Variants in SLCO3A1 observed in about 807,000 individuals in gnomAD.
SLCO3A1 encodes the protein PGE1 transporter.
In SLCO3A1, 27 loss-of-function variants were observed where a neutral mutation model predicts 63.1. That is an observed-to-expected ratio of 0.43 (90% CI 0.32 to 0.59). The LOEUF is 0.59. Among genes scored for constraint, SLCO3A1 ranks in the 20% least tolerant of loss-of-function variants. SLCO3A1 has a pLI of 0.09. For missense variants in SLCO3A1, 773 were observed against 945.8 expected (o/e 0.82, Z 2.40); for synonymous variants, 473 against 409.9 (o/e 1.15, Z -1.86).
Position 92,090,654 on chromosome 15 carries a change from G to A in SLCO3A1, c.647-4227G>A, listed in dbSNP as rs552066097. 3.3e-5 allele frequency among the ~76,000 whole-genome samples: 5 copies of A among 152,260 alleles called. No individual in the cohort carries two copies. In the East Asian group the frequency reaches 9.7e-4, roughly 29 times the overall value. Reference sequence around the variant, plus strand: ...CAGCAAGAACTCCTTCCTGGGCCTGGCCTGCTCCCAGCTCCAGCCCCTCTC... The same window carrying A: ...CAGCAAGAACTCCTTCCTGGGCCTGACCTGCTCCCAGCTCCAGCCCCTCTC... On this transcript the variant is annotated intron_variant, in intron 2 of 9. Coordinates refer to ENST00000318445, the MANE Select transcript of SLCO3A1 (RefSeq NM_013272.4).
chr15:91,945,550 A>G (rs1899777923), intron 2 of SLCO3A1, among the ~76,000 whole-genome samples: 1 of 152,232 alleles, frequency 6.6e-6, no homozygotes, highest in African/African-American at 2.4e-5. Context: ...AGGACAGCAT[A>G]TGCAAAGGTC....
At chr15:91,953,777 C>A (rs1176231516) in intron 2 of SLCO3A1, among the ~76,000 whole-genome samples, 1 of 152,132 alleles carries the variant, frequency 6.6e-6, no homozygotes, top group Non-Finnish European at 1.5e-5. Flanking sequence ...GGTGGGAACA[C>A]TTCCCACACT....
rs138667184 is a variant in SLCO3A1 at position 91,923,730 on chromosome 15, T to G, written c.646+7272T>G. Among the ~76,000 whole-genome samples, 34 of 152,354 alleles carry G rather than the reference T, an allele frequency of 2.2e-4. No individual in the cohort carries two copies. In the East Asian group the frequency reaches 4.0e-3, roughly 18 times the overall value. On this transcript the variant is annotated intron_variant, in intron 2 of 9. Transcript: ENST00000318445. ...ACCTATAGAAAATTATTGTCAGTAGTTAGGTATATTTTATTCCAGCCTTTT... is the reference window on the plus strand; with the variant it reads ...ACCTATAGAAAATTATTGTCAGTAGGTAGGTATATTTTATTCCAGCCTTTT...
At chr15:92,109,869 T>C (rs1414539553) in intron 4 of SLCO3A1, among the ~76,000 whole-genome samples, 1 of 152,024 alleles carries the variant, frequency 6.6e-6, no homozygotes, top group African/African-American at 2.4e-5. Flanking sequence ...TGGCAGGCGG[T>C]TGGGGAGACA....
At chr15:92,096,199 T>C (rs2047536675) in intron 3 of SLCO3A1, among the ~76,000 whole-genome samples, 1 of 152,046 alleles carries the variant, frequency 6.6e-6, no homozygotes, top group Non-Finnish European at 1.5e-5. Flanking sequence ...CTCACTGCCA[T>C]GGGCCCACAG....
At chr15:91,892,784 A>G (rs1440276193) in intron 1 of SLCO3A1, among the ~76,000 whole-genome samples, 2 of 152,060 alleles carry the variant, frequency 1.3e-5, no homozygotes, top group African/African-American at 2.4e-5. Flanking sequence ...CTGCGTGACT[A>G]CTCCCCAGTA....
intron 4 of SLCO3A1, among the ~76,000 whole-genome samples, chr15:92,114,325 A>C (rs1053102849): frequency 6.6e-6 from 1 of 152,184 alleles, no homozygotes; most frequent in Non-Finnish European, 1.5e-5. Context: ...CATTCATTTT[A>C]AAATTTATTT....
chr15:92,159,358 A>AC (rs899404084), intron 9 of SLCO3A1, among the ~76,000 whole-genome samples: 5 of 151,942 alleles, frequency 3.3e-5, no homozygotes, highest in African/African-American at 1.2e-4. Context: ...GGTGGCAGGC[A>AC]CCTGTAGTCC....
chr15:92,162,137 T>A (rs1037235036), intron 9 of SLCO3A1: 2 of 132,694 alleles, frequency 1.5e-5, no homozygotes, highest in African/African-American at 6.7e-5. Context: ...TAGATGCTTT[T>A]TTTTTTTTTT....
At chr15:92,170,002 G>C (rs916701970), downstream of SLCO3A1, among the ~76,000 whole-genome samples, 1 of 152,168 alleles carries the variant, frequency 6.6e-6, no homozygotes, top group Non-Finnish European at 1.5e-5. Flanking sequence ...TGTCCCGTAA[G>C]ATACAATTGA....
At position 91,862,634 on chromosome 15, in the gene SLCO3A1, A is replaced by T. The variant is rs1490633809; in HGVS notation, c.180+8546A>T. Among the ~76,000 whole-genome samples, 1 of 152,196 alleles carries T rather than the reference A, an allele frequency of 6.6e-6. No individual in the cohort carries two copies. The highest frequency in any genetic ancestry group is 1.5e-5 in the Non-Finnish European group (1 of 68,030). ...TCTGGCTCTCCGTCCATTGATACCT[A>T]AATTTCTAGTTGTGCAGAGCGTGAA... On this transcript the variant is annotated intron_variant, in intron 1 of 9. Coordinates refer to ENST00000318445, the MANE Select transcript of SLCO3A1 (RefSeq NM_013272.4). This position sits in a 1 kb window ranked among gnomAD's most constrained non-coding sequence, Gnocchi z 4.0.
chr15:92,050,943 C>G (rs1479993503), intron 2 of SLCO3A1, among the ~76,000 whole-genome samples: 2 of 152,192 alleles, frequency 1.3e-5, no homozygotes, highest in African/African-American at 2.4e-5. Flanking sequence ...ACAGGTGACA[C>G]TCAGCCTTCA....
chr15:92,095,621 G>A (rs980566935), intron 3 of SLCO3A1, among the ~76,000 whole-genome samples: 1 of 152,212 alleles, frequency 6.6e-6, no homozygotes, highest in African/African-American at 2.4e-5. Context: ...AGATCGATGG[G>A]CTAGACTATT....
intron 2 of SLCO3A1, among the ~76,000 whole-genome samples, chr15:91,994,536 G>T (rs1439916529): frequency 6.6e-6 from 1 of 152,142 alleles, no homozygotes; most frequent in Non-Finnish European, 1.5e-5. Context: ...TTGTCCTTAA[G>T]GAGGAGCATG....
At chr15:92,060,506 T>A (rs1184973771) in intron 2 of SLCO3A1, among the ~76,000 whole-genome samples, 1 of 149,870 alleles carries the variant, frequency 6.7e-6, no homozygotes, top group Non-Finnish European at 1.5e-5. Flanking sequence ...TGAGCCGAGT[T>A]TTTTTTTTTT....
intron 3 of SLCO3A1, among the ~76,000 whole-genome samples, chr15:92,100,694 T>C (rs1013969143): frequency 2.0e-5 from 3 of 152,250 alleles, no homozygotes; most frequent in Non-Finnish European, 2.9e-5. Flanking sequence ...GCTGTTCTTA[T>C]AGAACGTGGA....
At chr15:91,926,596 T>TGTGCGCGCGCGCGC in intron 2 of SLCO3A1, among the ~76,000 whole-genome samples, 2 of 105,256 alleles carry the variant, frequency 1.9e-5, no homozygotes, top group African/African-American at 3.7e-5. Flanking sequence ...TGTGTGTGTG[T>TGTGCGCGCGCGCGC]GCGCGCGCGC....
rs1897647527 is a variant in SLCO3A1 at position 91,883,483 on chromosome 15, C to T, written c.180+29395C>T. On this transcript the variant is annotated intron_variant, in intron 1 of 9. Coordinates refer to ENST00000318445, the MANE Select transcript of SLCO3A1 (RefSeq NM_013272.4). The surrounding 1 kb of genome is among the most constrained non-coding windows in gnomAD (Gnocchi z 4.8). ...CCCGGAGGGATGTACCTCGCACTGACTGGCTGGGGCCCTTCATCCTTTGCA... is the reference window on the plus strand; with the variant it reads ...CCCGGAGGGATGTACCTCGCACTGATTGGCTGGGGCCCTTCATCCTTTGCA... Among the ~76,000 whole-genome samples, 1 of 152,232 alleles carries T rather than the reference C, an allele frequency of 6.6e-6. No homozygotes were observed. Among genetic ancestry groups the T allele is most frequent in the Non-Finnish European group, 1.5e-5 (1 of 68,036 alleles).
At chr15:92,004,997 AC>A (rs1246602857) in intron 2 of SLCO3A1, among the ~76,000 whole-genome samples, 1 of 152,186 alleles carries the variant, frequency 6.6e-6, no homozygotes, top group Non-Finnish European at 1.5e-5. Context: ...CTCTTATTGA[AC>A]CCTAATAAAT....
Sources: gnomAD v4.1 joint callset for allele counts (sites outside exome capture counted in the v4.1 genomes callset) on GRCh38, gnomAD v4.1.1 for gene constraint, Gnocchi (gnomAD v3.1) non-coding constraint, MANE v1.5 for transcripts, NCBI Gene and HGNC (gene_info 2026-07-23, HGNC 2026-07-21) for gene names.